Variants in CRYBA4 observed in about 807,000 individuals in gnomAD.
CRYBA4 encodes the protein crystallin beta A4.
Under a neutral mutation model 31.7 loss-of-function variants are expected in CRYBA4, and 30 were observed. That is an observed-to-expected ratio of 0.95 (90% confidence interval 0.71 to 1.28). CRYBA4 has a LOEUF of 1.28. CRYBA4 is among the 50% of genes most tolerant of loss of function. The probability of loss-of-function intolerance (pLI) is 0.00; values close to 1 mark genes in which losing one functional copy is unlikely to be tolerated. For missense variants in CRYBA4, 225 were observed against 260.7 expected (o/e 0.86, Z 0.94); for synonymous variants, 102 against 102.3 (o/e 1.00, Z 0.02).
At chr22:26,598,995 A>G in the CRYBA4 span, among the ~76,000 whole-genome samples, 12 of 152,196 alleles carry the variant, frequency 7.9e-5, no homozygotes, top group South Asian at 2.1e-4. Flanking sequence ...CTGAACCTCA[A>G]TTTCCTCATA....
the CRYBA4 span, chr22:26,611,927 G>A: frequency 4.2e-6 from 3 of 718,012 alleles, no homozygotes; most frequent in South Asian, 1.4e-5. Context: ...TCCCTCTTCA[G>A]TTTGATATGA....
chr22:26,608,801 A>G, the CRYBA4 span, among the ~76,000 whole-genome samples: 3 of 152,204 alleles, frequency 2.0e-5, no homozygotes, highest in Non-Finnish European at 4.4e-5. Context: ...CTCAGTAACT[A>G]GTATGAGGCA....
chr22:26,627,406 TTCTTTCTTTCTTTCTTTCTTTTTC>T (rs1929756744), intron 4 of CRYBA4, among the ~76,000 whole-genome samples: 1 of 96,498 alleles, frequency 1.0e-5, no homozygotes, highest in African/African-American at 6.3e-5. Context: ...CTTTCTTTCT[TTCTTTCTTTCTTTCTTTCTTTTTC>T]TTTCTTTCTT....
At chr22:26,602,762 CT>C in the CRYBA4 span, among the ~76,000 whole-genome samples, 1,062 of 152,220 alleles carry the variant, frequency 7.0e-3, 11 homozygotes, top group Non-Finnish European at 0.011. Context: ...ACCAATTGCC[CT>C]TTTGTAAATG....
chr22:26,592,744 G>A, the CRYBA4 span, among the ~76,000 whole-genome samples: 1 of 152,216 alleles, frequency 6.6e-6, no homozygotes, highest in Non-Finnish European at 1.5e-5. Flanking sequence ...CTGACTTTCT[G>A]CAAAGATCCC....
At chr22:26,612,811 C>T in the CRYBA4 span, among the ~76,000 whole-genome samples, 12 of 152,312 alleles carry the variant, frequency 7.9e-5, no homozygotes, top group South Asian at 6.2e-4. Flanking sequence ...TTCCCTAATA[C>T]GCATTCCAGC....
rs148454808 is a variant in CRYBA4, at chr22:26,625,538, C to T, written c.216C>T (p.Gly72=). 4,081 of 1,614,070 alleles carry T rather than the reference C, an allele frequency of 2.5e-3. 5 individuals carry two copies. The highest frequency in any genetic ancestry group is 3.0e-3 in the Non-Finnish European group (3,521 of 1,180,022). Residue 72 remains glycine (G), a synonymous_variant, in exon 4 of 6, where the codon GGC becomes GGT. Transcript: ENST00000354760. ...GGCAGCAGTACATTCTGGAACGAGGCGAATATCCAAGCTGGGATGCCTGGG... is the reference window on the plus strand; with the variant it reads ...GGCAGCAGTACATTCTGGAACGAGGTGAATATCCAAGCTGGGATGCCTGGG... ...FQGQQYILER[G]EYPSWDAWGG...
At chr22:26,620,591 G>T (rs925695205), upstream of CRYBA4, among the ~76,000 whole-genome samples, 2 of 130,530 alleles carry the variant, frequency 1.5e-5, no homozygotes, top group Non-Finnish European at 3.1e-5. Context: ...TTGAGACGGG[G>T]TCTTGCTCTG....
At chr22:26,600,401 C>CAA in the CRYBA4 span, among the ~76,000 whole-genome samples, 1 of 139,830 alleles carries the variant, frequency 7.2e-6, no homozygotes, top group Non-Finnish European at 1.6e-5. Context: ...GACTCCATCT[C>CAA]AAAAAAAAAA....
upstream of CRYBA4, among the ~76,000 whole-genome samples, chr22:26,620,486 A>G (rs1446207290): frequency 6.6e-6 from 1 of 151,424 alleles, no homozygotes; most frequent in East Asian, 1.9e-4. Context: ...AAACCCAGGC[A>G]GTCTGGCTGT....
the CRYBA4 span, among the ~76,000 whole-genome samples, chr22:26,609,088 C>T: frequency 6.6e-6 from 1 of 152,034 alleles, no homozygotes; most frequent in Non-Finnish European, 1.5e-5. Flanking sequence ...ACCTTTGCTC[C>T]CCGTGTGTTC....
chr22:26,599,748 G>T, the CRYBA4 span: 3 of 1,172,552 alleles, frequency 2.6e-6, no homozygotes, highest in Middle Eastern at 1.9e-4. Context: ...TGCCAGACCA[G>T]CCTGTCCTTC....
intron 5 of CRYBA4, among the ~76,000 whole-genome samples, chr22:26,630,040 G>A (rs189003807): frequency 3.3e-5 from 5 of 152,314 alleles, no homozygotes; most frequent in Admixed American, 3.3e-4. Context: ...TGCTACAAAG[G>A]TATAATAAGG....
intron 2 of CRYBA4, 88 bp from the exon 3 acceptor site, chr22:26,623,146 A>T: frequency 9.1e-7 from 1 of 1,098,928 alleles, no homozygotes; most frequent in Non-Finnish European, 1.4e-6. Flanking sequence ...TCCCTGCTTT[A>T]CCTGCCAGAT....
the CRYBA4 span, chr22:26,616,119 A>G: frequency 1.2e-6 from 2 of 1,606,098 alleles, no homozygotes; most frequent in Non-Finnish European, 1.7e-6. Flanking sequence ...GCACCCAGCC[A>G]CTGCACCCCC....
At chr22:26,621,766 G>T (rs560854791), upstream of CRYBA4, among the ~76,000 whole-genome samples, 15 of 152,266 alleles carry the variant, frequency 9.9e-5, no homozygotes, top group South Asian at 2.1e-4. Flanking sequence ...CTCCTTCTTC[G>T]TGGCTGATCC....
chr22:26,615,417 G>C, the CRYBA4 span, among the ~76,000 whole-genome samples: 3 of 152,152 alleles, frequency 2.0e-5, no homozygotes, highest in Non-Finnish European at 2.9e-5. Context: ...TGCGTGTGCA[G>C]GTGTAGCCTG....
the CRYBA4 span, among the ~76,000 whole-genome samples, chr22:26,615,434 A>AGGT: frequency 6.6e-6 from 1 of 152,028 alleles, no homozygotes; most frequent in South Asian, 2.1e-4. Flanking sequence ...CCTGATTGCC[A>AGGT]GGTGTCCCTT....
At chr22:26,590,743 C>G in the CRYBA4 span, among the ~76,000 whole-genome samples, 1 of 152,010 alleles carries the variant, frequency 6.6e-6, no homozygotes. Flanking sequence ...CATAGGACAC[C>G]CTTTCCACCC....
Sources: allele counts gnomAD v4.1 joint callset (sites outside exome capture counted in the v4.1 genomes callset), GRCh38; gene constraint gnomAD v4.1.1; transcripts MANE v1.5; gene names NCBI Gene and HGNC (gene_info 2026-07-23, HGNC 2026-07-21).